The following ADAM8 variants were observed in gnomAD, a reference collection of about 807,000 sequenced individuals.
ADAM8 encodes ADAM metallopeptidase domain 8, also known as disintegrin and metalloproteinase domain-containing protein 8.
ADAM8 carries 104 observed loss-of-function variants against 102.4 expected under a neutral mutation model. The ratio of observed to expected loss-of-function variants is 1.02; its 90% CI spans 0.87 to 1.20. ADAM8 has a LOEUF of 1.20. Ranked by LOEUF, ADAM8 falls within the 50% of genes most tolerant of loss-of-function variation. The pLI is 0.00. For synonymous variants in ADAM8, 517 were observed against 485.2 expected (o/e 1.07, Z -0.86); for missense variants, 1,132 against 1,159.0 (o/e 0.98, Z 0.34).
intron 1 of ADAM8, chr10:133,275,945 TG>T: frequency 4.4e-6 from 1 of 229,090 alleles, no homozygotes; most frequent in Non-Finnish European, 8.5e-6. Context: ...GCCGCCGACC[TG>T]CCCGTTTCCA....
At position 133,271,083 on chromosome 10, in the gene ADAM8, A is replaced by G; in HGVS notation, c.1375-13T>C. On this transcript the variant is annotated splice_polypyrimidine_tract_variant and intron_variant, in intron 13 of 22. Coordinates refer to ENST00000445355, the MANE Select transcript of ADAM8 (RefSeq NM_001109.5). ...CAGCCGGCTTCACCTGGCCCAGCAGAGAACAGCTCACCATGGGGACAGGTC... is the reference window on the plus strand; with the variant it reads ...CAGCCGGCTTCACCTGGCCCAGCAGGGAACAGCTCACCATGGGGACAGGTC... The G allele has an allele frequency of 6.2e-7, 1 of 1,607,434 alleles. No homozygotes were observed. The highest frequency in any genetic ancestry group is 8.5e-7 in the Non-Finnish European group (1 of 1,177,320).
At chr10:133,263,447 G>A (rs924868256) in intron 22 of ADAM8, among the ~76,000 whole-genome samples, 1 of 152,192 alleles carries the variant, frequency 6.6e-6, no homozygotes, top group South Asian at 2.1e-4. Context: ...AGTTGCTGGG[G>A]GAAGGTCAGG....
At position 133,271,714 on chromosome 10, in the gene ADAM8, G is replaced by A. The variant is rs1344022422; in HGVS notation, c.1107-9C>T. On this transcript the variant is annotated splice_polypyrimidine_tract_variant and intron_variant, in intron 11 of 22. Coordinates refer to ENST00000445355, the MANE Select transcript of ADAM8 (RefSeq NM_001109.5). ...TCCTGGGGAAACTGGAGCTGGGGAG[G>A]CGGGGCAGCATTGGGGGAGGCGGCC... The A allele has an allele frequency of 6.5e-7, 1 of 1,546,258 alleles. No individual in the cohort carries two copies. The highest frequency in any genetic ancestry group is 2.4e-5 in the East Asian group (1 of 40,834).
In ADAM8 at chr10:133,271,901, G is replaced by A. The variant is rs749264837; in HGVS notation, c.1011C>T (p.Gly337=). 3.7e-6 allele frequency: 6 copies of A among 1,612,478 alleles called. No individual in the cohort carries two copies. The highest frequency in any genetic ancestry group is 1.6e-4 in the Middle Eastern group (1 of 6,082). ...CATCATGGTCCATGCCCAGGTTGTG[G>A]CCCATCTCATGGGCCATGGTACAGG... ...GVACTMAHEM[G]HNLGMDHDEN... Residue 337 remains glycine (G), a synonymous_variant, in exon 11 of 23, where the codon GGC becomes GGT. Transcript: ENST00000445355.
intron 22 of ADAM8, 60 bp from the exon 23 acceptor site, chr10:133,263,293 G>T: frequency 6.8e-7 from 1 of 1,467,022 alleles, no homozygotes; most frequent in East Asian, 2.4e-5. Flanking sequence ...GGTATATAAA[G>T]GGTACAACGA....
intron 9 of ADAM8, 35 bp downstream of exon 9, chr10:133,272,381 C>T (rs1448834402): frequency 1.4e-6 from 2 of 1,400,364 alleles, no homozygotes; most frequent in Middle Eastern, 2.6e-4. Flanking sequence ...CCTCCCTCCC[C>T]AGCCCTCCCC....
At chr10:133,276,695 G>A in intron 1 of ADAM8, 77 bp downstream of exon 1, 4 of 1,504,276 alleles carry the variant, frequency 2.7e-6, no homozygotes, top group East Asian at 5.5e-5. Context: ...CCAGGGGCTC[G>A]GGGTCCGCGT....
In ADAM8 at chr10:133,270,118, C is replaced by T. The variant is rs572984746; in HGVS notation, c.1786-144G>A. 42 of 1,153,182 alleles carry T rather than the reference C, an allele frequency of 3.6e-5. No individual in the cohort carries two copies. The African/African-American group carries it at 5.8e-4, about 16-fold the overall frequency. 71.4% of individuals were successfully genotyped at this position (1,153,182 alleles called of 1,614,324 possible). A position where few individuals can be genotyped will look rare whatever the true frequency, so the allele number is the denominator to read the frequency against. Reference sequence around the variant, plus strand: ...TTCAGCCCATCTGCCGGCTGCCTACCCCCAAAGCCCCTGGGAAGTGGCCCT... The same window carrying T: ...TTCAGCCCATCTGCCGGCTGCCTACTCCCAAAGCCCCTGGGAAGTGGCCCT... On this transcript the variant is annotated intron_variant, in intron 16 of 22. Transcript: ENST00000445355.
At chr10:133,268,150 G>A in intron 19 of ADAM8, 32 bp from the exon 20 acceptor site, 1 of 1,253,414 alleles carries the variant, frequency 8.0e-7, no homozygotes, top group East Asian at 3.1e-5. Context: ...CATGGTCAGT[G>A]TCCGGCCATG....
At chr10:133,263,823 G>A in intron 21 of ADAM8, 58 bp from the exon 22 acceptor site, 1 of 1,343,402 alleles carries the variant, frequency 7.4e-7, no homozygotes, top group South Asian at 1.6e-5. Flanking sequence ...GCTCTAGCCT[G>A]GACATCACCT....
In ADAM8 at chr10:133,263,224, C is replaced by G. The variant is rs774027930; in HGVS notation, c.2407G>C (p.Gly803Arg). 180 of 1,608,386 alleles carry G rather than the reference C, an allele frequency of 1.1e-4. No homozygotes were observed. Among genetic ancestry groups the G allele is most frequent in the Non-Finnish European group, 1.5e-4 (173 of 1,176,490 alleles). Residue 803 changes from glycine to arginine, a missense_variant, in exon 23 of 23, where the codon GGC becomes CGC. Transcript: ENST00000445355. ...ANPGPAEGAV[G>R]PKVALKPPIQ... ...GGGGGCTTCAGGGCAACCTTTGGGCCAACAGCACCCTGGGAGGAGGAAAAG... is the reference window on the plus strand; with the variant it reads ...GGGGGCTTCAGGGCAACCTTTGGGCGAACAGCACCCTGGGAGGAGGAAAAG...
intron 16 of ADAM8, 46 bp downstream of exon 16, chr10:133,270,314 C>T (rs778939663): frequency 1.0e-4 from 162 of 1,552,436 alleles, no homozygotes; most frequent in Non-Finnish European, 1.0e-5. Flanking sequence ...GGGGCACATG[C>T]CCGGGATGCC....
chr10:133,272,336 C>CCCCCCGGG, intron 9 of ADAM8, 62 bp from the exon 10 acceptor site: 1 of 1,429,168 alleles, frequency 7.0e-7, no homozygotes, highest in Non-Finnish European at 9.4e-7. Context: ...CCTCCCACCC[C>CCCCCCGGG]AGCCCTGCTC....
intron 8 of ADAM8, 70 bp downstream of exon 8, chr10:133,272,727 AC>A: frequency 2.0e-6 from 3 of 1,498,702 alleles, no homozygotes; most frequent in Non-Finnish European, 2.7e-6. Context: ...GGTGGAATGA[AC>A]CCTGTGGCAA....
chr10:133,267,554 AG>A lies in ADAM8; in HGVS notation c.2254-138del, dbSNP rs1341299409. ...TGCGCGGCCCACAGGGCCCCACCCC[AG>A]ATGAGAGGCCCCGCCCCATTCCTCC... is the stretch of plus-strand genomic sequence containing the variant. On this transcript the variant is annotated intron_variant, in intron 20 of 22. Coordinates refer to ENST00000445355, the MANE Select transcript of ADAM8 (RefSeq NM_001109.5). 12 of 844,824 alleles carry A rather than the reference AG, an allele frequency of 1.4e-5. No homozygotes were observed. In the African/African-American group the frequency reaches 1.9e-4, roughly 13 times the overall value. 52.3% of individuals were successfully genotyped at this position (844,824 alleles called of 1,614,324 possible).
intron 12 of ADAM8, 99 bp downstream of exon 12, chr10:133,271,429 C>T (rs1846520594): frequency 1.4e-6 from 2 of 1,473,666 alleles, no homozygotes; most frequent in Admixed American, 4.2e-5. Flanking sequence ...CACAGAGCCC[C>T]AAGTTCCACG....
At chr10:133,267,677 C>T (rs1331538899) in intron 20 of ADAM8, among the ~76,000 whole-genome samples, 1 of 152,228 alleles carries the variant, frequency 6.6e-6, no homozygotes, top group Non-Finnish European at 1.5e-5. Context: ...CTTCCCTGGG[C>T]TGGGAGCCCC....
Position 133,270,414 on chromosome 10 carries a change from C to CT in ADAM8, c.1730dup (p.Asp578GlyfsTer6), listed in dbSNP as rs770001627. 5.0e-6 allele frequency: 8 copies of CT among 1,605,160 alleles called. No individual in the cohort carries two copies. In the South Asian group the frequency reaches 8.8e-5, roughly 18 times the overall value. On this transcript the variant is annotated frameshift_variant, in exon 16 of 23. Coordinates refer to ENST00000445355, the MANE Select transcript of ADAM8 (RefSeq NM_001109.5). LOFTEE classifies it high-confidence loss of function. The stretch of plus-strand genomic sequence containing the variant: ...GCACTGGTTCATACGCAGTGCCATC[C>CT]TCTGTGGTGAGCGCGTGGCACACAT...
intron 20 of ADAM8, 118 bp from the exon 21 acceptor site, chr10:133,267,535 G>T: frequency 2.0e-6 from 2 of 1,000,024 alleles, no homozygotes; most frequent in Non-Finnish European, 2.9e-6. Flanking sequence ...CGTCTGCGCG[G>T]CCCACAGGGC....
Sources: allele counts gnomAD v4.1 joint callset (sites outside exome capture counted in the v4.1 genomes callset), GRCh38; gene constraint gnomAD v4.1.1; transcripts MANE v1.5; gene names NCBI Gene and HGNC (gene_info 2026-07-23, HGNC 2026-07-21).